The following DCLK2 variants were observed in gnomAD, a reference collection of about 807,000 sequenced individuals.
DCLK2 encodes serine/threonine-protein kinase DCLK2.
DCLK2 carries 31 observed loss-of-function variants against 78.4 expected under a neutral mutation model. The ratio of observed to expected loss-of-function variants is 0.40; its 90% CI spans 0.30 to 0.53. The LOEUF is 0.53. Among genes scored for constraint, DCLK2 ranks in the 20% least tolerant of loss-of-function variants. The pLI is 0.61. For synonymous variants in DCLK2, 407 were observed against 374.9 expected (o/e 1.09, Z -0.99); for missense variants, 872 against 973.7 (o/e 0.90, Z 1.39).
chr4:150,186,452 T>C (rs1737941362), intron 2 of DCLK2, among the ~76,000 whole-genome samples: 1 of 152,230 alleles, frequency 6.6e-6, no homozygotes, highest in African/African-American at 2.4e-5. Context: ...ATTCCCATAA[T>C]AGTCAGGGTG....
chr4:150,240,950 G>C (rs1201217772), intron 12 of DCLK2, among the ~76,000 whole-genome samples: 2 of 152,190 alleles, frequency 1.3e-5, no homozygotes, highest in East Asian at 3.9e-4. Context: ...CCATAATACA[G>C]TGTCTACCAT....
chr4:150,226,906 G>A (rs1741664241), intron 8 of DCLK2, among the ~76,000 whole-genome samples: 1 of 152,138 alleles, frequency 6.6e-6, no homozygotes, highest in South Asian at 2.1e-4. Flanking sequence ...GTGGTATTCA[G>A]TCACTGTTTT....
At chr4:150,218,651 G>A (rs967845257) in intron 5 of DCLK2, among the ~76,000 whole-genome samples, 4 of 152,216 alleles carry the variant, frequency 2.6e-5, no homozygotes, top group African/African-American at 9.6e-5. Flanking sequence ...AGGCCTAAGT[G>A]CTGGGAGAGG....
chr4:150,161,984 C>G (rs1258730578), intron 2 of DCLK2, among the ~76,000 whole-genome samples: 1 of 152,038 alleles, frequency 6.6e-6, no homozygotes, highest in African/African-American at 2.4e-5. Context: ...ACATTTCTGA[C>G]CTTATTGTGA....
intron 1 of DCLK2, among the ~76,000 whole-genome samples, chr4:150,099,202 A>G (rs1730693373): frequency 6.6e-6 from 1 of 152,214 alleles, no homozygotes. Flanking sequence ...TTGCAGGTGC[A>G]TAGTATCTAA....
chr4:150,249,848 G>C (rs1180398498), intron 15 of DCLK2, among the ~76,000 whole-genome samples, 164 bp downstream of exon 15: 2 of 152,186 alleles, frequency 1.3e-5, no homozygotes, highest in African/African-American at 4.8e-5. Flanking sequence ...GCAACTCCCA[G>C]GCTTTGGGCA....
chr4:150,199,634 C>T (rs926339822), intron 4 of DCLK2, among the ~76,000 whole-genome samples: 1 of 152,188 alleles, frequency 6.6e-6, no homozygotes, highest in Non-Finnish European at 1.5e-5. Context: ...AACCTGTTCT[C>T]TCTAAAAATG....
intron 2 of DCLK2, among the ~76,000 whole-genome samples, chr4:150,179,425 A>G (rs151032813): frequency 7.2e-5 from 11 of 152,294 alleles, no homozygotes; most frequent in Middle Eastern, 3.4e-3. Context: ...CGTGCTGAAT[A>G]GTTGTTGTTT....
intron 10 of DCLK2, among the ~76,000 whole-genome samples, chr4:150,233,873 C>T (rs72951545): frequency 0.021 from 3,257 of 152,250 alleles, 113 homozygotes; most frequent in African/African-American, 0.07. Context: ...AACCAATCCT[C>T]GTGACCACGT....
chr4:150,078,971 C>T lies in DCLK2; in HGVS notation c.-57C>T. ...GCAGTCAGACGTCCCTGCACCGGCG[C>T]TCGCACCCTTAGTCGGCCCGGAACG... On this transcript the variant is annotated 5_prime_UTR_variant, in exon 1 of 16. Coordinates refer to ENST00000296550, the MANE Select transcript of DCLK2 (RefSeq NM_001040260.4). 1.4e-6 allele frequency: 2 copies of T among 1,479,992 alleles called. No individual in the cohort carries two copies. Among genetic ancestry groups the T allele is most frequent in the Non-Finnish European group, 1.8e-6 (2 of 1,116,558 alleles). The allele number at this position is 1,479,992 out of a possible 1,614,324, so 91.7% of individuals were successfully genotyped here.
At chr4:150,127,194 T>C (rs1434528848) in intron 2 of DCLK2, among the ~76,000 whole-genome samples, 1 of 152,192 alleles carries the variant, frequency 6.6e-6, no homozygotes, top group Non-Finnish European at 1.5e-5. Flanking sequence ...AATTTTTTTA[T>C]AGAAATGAAT....
At chr4:150,211,012 A>AAGT (rs1402255675) in intron 5 of DCLK2, among the ~76,000 whole-genome samples, 1 of 152,210 alleles carries the variant, frequency 6.6e-6, no homozygotes, top group East Asian at 1.9e-4. Context: ...AAAACAAAAG[A>AAGT]AGTAGAAAAT....
In DCLK2 at chr4:150,078,947, C is replaced by G; in HGVS notation, c.-81C>G. On this transcript the variant is annotated 5_prime_UTR_variant, in exon 1 of 16. Transcript: ENST00000296550. ...TGTCCCGGCGCGTTAAGGGCCCTCG[C>G]AGTCAGACGTCCCTGCACCGGCGCT... 1 of 1,418,250 alleles carries G rather than the reference C, an allele frequency of 7.1e-7. No homozygotes were observed. The highest frequency in any genetic ancestry group is 9.3e-7 in the Non-Finnish European group (1 of 1,080,840). The allele number at this position is 1,418,250 out of a possible 1,614,324, so 87.9% of individuals were successfully genotyped here. A position where few individuals can be genotyped will look rare whatever the true frequency, so the allele number is the denominator to read the frequency against.
chr4:150,096,680 C>T (rs1190556985), intron 1 of DCLK2, among the ~76,000 whole-genome samples: 2 of 152,190 alleles, frequency 1.3e-5, no homozygotes, highest in African/African-American at 4.8e-5. Context: ...TCAGAAGACA[C>T]TGAAGACACT....
intron 6 of DCLK2, 26 bp downstream of exon 6, chr4:150,220,804 T>C (rs1388789127): frequency 6.3e-7 from 1 of 1,585,656 alleles, no homozygotes; most frequent in Admixed American, 1.7e-5. Flanking sequence ...ATCATTACTT[T>C]GATAAAGGAA....
chr4:150,127,790 G>A (rs1289026367), intron 2 of DCLK2, among the ~76,000 whole-genome samples: 1 of 152,132 alleles, frequency 6.6e-6, no homozygotes, highest in Non-Finnish European at 1.5e-5. Context: ...TTGGCATTAA[G>A]CCCCTAGATA....
Position 150,247,715 on chromosome 4 carries a change from G to GT in DCLK2, c.1875+19dup. ...CTCTGCCAAGGTACCCTCCAGGCCT[G>GT]TTTCTGTGGGTTGTATTACGTTGTG... On this transcript the variant is annotated intron_variant, in intron 13 of 15. Coordinates refer to ENST00000296550, the MANE Select transcript of DCLK2 (RefSeq NM_001040260.4). The GT allele has an allele frequency of 1.9e-6, 3 of 1,605,378 alleles. No individual in the cohort carries two copies. Among genetic ancestry groups the GT allele is most frequent in the Non-Finnish European group, 2.6e-6 (3 of 1,172,578 alleles).
At chr4:150,117,209 G>C (rs990457030) in intron 2 of DCLK2, among the ~76,000 whole-genome samples, 6 of 152,150 alleles carry the variant, frequency 3.9e-5, no homozygotes, top group African/African-American at 1.2e-4. Context: ...CTGTGTAGAA[G>C]AATCTGCCTG....
chr4:150,181,540 A>G (rs1271610347), intron 2 of DCLK2, among the ~76,000 whole-genome samples: 1 of 152,186 alleles, frequency 6.6e-6, no homozygotes, highest in East Asian at 1.9e-4. Flanking sequence ...CTTTGGTCTC[A>G]GTATTCCATG....
Sources: allele counts gnomAD v4.1 joint callset (sites outside exome capture counted in the v4.1 genomes callset), GRCh38; gene constraint gnomAD v4.1.1; transcripts MANE v1.5; gene names NCBI Gene and HGNC (gene_info 2026-07-23, HGNC 2026-07-21).